AGAP1: variants seen among roughly 807,000 people sequenced by gnomAD.
The protein encoded by AGAP1 is arf-GAP with GTPase, ANK repeat and PH domain-containing protein 1.
AGAP1 carries 29 observed loss-of-function variants against 105.3 expected under a neutral mutation model. The ratio of observed to expected loss-of-function variants is 0.28; its 90% CI spans 0.21 to 0.38. AGAP1 has a LOEUF of 0.38. Ranked by LOEUF, AGAP1 falls within the 10% of genes least tolerant of loss-of-function variation. AGAP1 has a pLI of 1.00. For synonymous variants in AGAP1, 509 were observed against 485.9 expected (o/e 1.05, Z -0.63); for missense variants, 998 against 1,165.1 (o/e 0.86, Z 2.09).
At position 236,080,344 on chromosome 2, in the gene AGAP1, TGA is replaced by T. The variant is rs1576254954; in HGVS notation, c.2114+31065_2114+31066del. On this transcript the variant is annotated intron_variant, in intron 16 of 17. Coordinates refer to ENST00000304032, the MANE Select transcript of AGAP1 (RefSeq NM_001037131.3). The surrounding 1 kb of genome is among the most constrained non-coding windows in gnomAD (Gnocchi z 4.2). ...CACCAAGTCTCTGGTCTAGATTCTG[TGA>T]GTCCAGAAACCTCCATCTCAGTCTA... 6.6e-6 allele frequency among the ~76,000 whole-genome samples: 1 copy of T among 152,220 alleles called. No individual in the cohort carries two copies. Among genetic ancestry groups the T allele is most frequent in the East Asian group, 1.9e-4 (1 of 5,198 alleles).
chr2:236,116,051 C>G (rs2059762946), intron 16 of AGAP1, among the ~76,000 whole-genome samples: 1 of 152,114 alleles, frequency 6.6e-6, no homozygotes, highest in Non-Finnish European at 1.5e-5. Flanking sequence ...GTGGCCCGCC[C>G]AGCCTCGGCC....
chr2:235,830,577 T>G lies in AGAP1; in HGVS notation c.1050+23246T>G, dbSNP rs781674946. ...GAAGTGTTGCATGCTGAGCACTCTTTGTGAGATACTTTGGGGGCTCAGGGG... is the reference window on the plus strand; with the variant it reads ...GAAGTGTTGCATGCTGAGCACTCTTGGTGAGATACTTTGGGGGCTCAGGGG... On this transcript the variant is annotated intron_variant, in intron 9 of 17. Coordinates refer to ENST00000304032, the MANE Select transcript of AGAP1 (RefSeq NM_001037131.3). The surrounding 1 kb of genome is among the most constrained non-coding windows in gnomAD (Gnocchi z 5.5). Among the ~76,000 whole-genome samples the G allele has an allele frequency of 2.7e-5, 4 of 149,796 alleles. No individual in the cohort carries two copies. Among genetic ancestry groups the G allele is most frequent in the Non-Finnish European group, 5.9e-5 (4 of 67,736 alleles).
At chr2:235,670,718 A>C in intron 1 of AGAP1, 1 of 804,370 alleles carries the variant, frequency 1.2e-6, no homozygotes, top group Admixed American at 2.1e-5. Context: ...CGCCTCGGAG[A>C]AGCGCAACAC....
chr2:235,947,991 GGGCTAGGCC>G (rs574503871), intron 12 of AGAP1, among the ~76,000 whole-genome samples: 3 of 152,234 alleles, frequency 2.0e-5, no homozygotes, highest in African/African-American at 4.8e-5. Context: ...CCTGAGCGTT[GGGCTAGGCC>G]GGCTAGGCCA....
chr2:235,860,072 C>CA (rs772884503), intron 9 of AGAP1, among the ~76,000 whole-genome samples: 6 of 152,212 alleles, frequency 3.9e-5, no homozygotes, highest in Non-Finnish European at 7.3e-5. Flanking sequence ...ACCTTCATCT[C>CA]AGTTTGTTTT....
intron 12 of AGAP1, among the ~76,000 whole-genome samples, chr2:235,932,043 C>T (rs753319399): frequency 2.6e-5 from 4 of 152,222 alleles, no homozygotes; most frequent in African/African-American, 9.6e-5. Flanking sequence ...CTCTCTAAGG[C>T]TCTCTGCCTC....
At position 235,618,328 on chromosome 2, in the gene AGAP1, G is replaced by A. The variant is rs1055324770; in HGVS notation, c.164-90851G>A. ...GTAGGTGATTTTTCGGGAGCAGTTG[G>A]TTTTCCTTGGCCTTCATCCTACTCT... is the stretch of plus-strand genomic sequence containing the variant. On this transcript the variant is annotated intron_variant, in intron 1 of 17. Transcript: ENST00000304032. Among the ~76,000 whole-genome samples the A allele has an allele frequency of 5.3e-5, 8 of 152,102 alleles. No homozygotes were observed. The East Asian group carries it at 1.5e-3, about 29-fold the overall frequency.
intron 16 of AGAP1, among the ~76,000 whole-genome samples, chr2:236,094,647 A>C (rs1404326007): frequency 6.6e-6 from 1 of 152,104 alleles, no homozygotes; most frequent in Non-Finnish European, 1.5e-5. Flanking sequence ...CACTGCGCCC[A>C]GTGAGAGCTG....
chr2:235,714,107 G>A lies in AGAP1; in HGVS notation c.223-3450G>A, dbSNP rs1950979499. Reference sequence around the variant, plus strand: ...CAGCTCACTGCAACCTCTGCCTCCCGGGTTCAAGTGATTCTCCTGCCTCAG... The same window carrying A: ...CAGCTCACTGCAACCTCTGCCTCCCAGGTTCAAGTGATTCTCCTGCCTCAG... On this transcript the variant is annotated intron_variant, in intron 2 of 17. Coordinates refer to ENST00000304032, the MANE Select transcript of AGAP1 (RefSeq NM_001037131.3). The surrounding 1 kb of genome is among the most constrained non-coding windows in gnomAD (Gnocchi z 4.1). Among the ~76,000 whole-genome samples, 2 of 152,030 alleles carry A rather than the reference G, an allele frequency of 1.3e-5. No homozygotes were observed. Among genetic ancestry groups the A allele is most frequent in the South Asian group, 4.1e-4 (2 of 4,822 alleles).
rs1473395517 is a variant in AGAP1, at chr2:235,877,866, G to T, written c.1051-5479G>T. 6.6e-6 allele frequency among the ~76,000 whole-genome samples: 1 copy of T among 152,182 alleles called. No homozygotes were observed. Among genetic ancestry groups the T allele is most frequent in the Non-Finnish European group, 1.5e-5 (1 of 68,030 alleles). On this transcript the variant is annotated intron_variant, in intron 9 of 17. Transcript: ENST00000304032. This position sits in a 1 kb window ranked among gnomAD's most constrained non-coding sequence, Gnocchi z 4.3. Reference sequence around the variant, plus strand: ...TGGGCCACACTTTGAGCTGGAAAGTGCTTCCGTCTTTTGCCAACTTAAAAT... The same window carrying T: ...TGGGCCACACTTTGAGCTGGAAAGTTCTTCCGTCTTTTGCCAACTTAAAAT...
intron 1 of AGAP1, among the ~76,000 whole-genome samples, chr2:235,699,486 C>T (rs764475478): frequency 3.9e-5 from 6 of 152,092 alleles, no homozygotes; most frequent in Non-Finnish European, 7.3e-5. Flanking sequence ...CCTTTGAATT[C>T]TCACGGGTTA....
In AGAP1 at chr2:235,761,725, C is replaced by T. The variant is rs763746785; in HGVS notation, c.673+11237C>T. Among the ~76,000 whole-genome samples, 48 of 152,320 alleles carry T rather than the reference C, an allele frequency of 3.2e-4. 1 individual carries two copies. The highest frequency in any genetic ancestry group is 6.8e-3 in the Middle Eastern group (2 of 294). ...TGATCAAAAGAATAAGAGAATATTACTTAACTAGGATAGTCAGAAGTTGTT... is the reference window on the plus strand; with the variant it reads ...TGATCAAAAGAATAAGAGAATATTATTTAACTAGGATAGTCAGAAGTTGTT... On this transcript the variant is annotated intron_variant, in intron 6 of 17. Transcript: ENST00000304032.
At position 236,113,916 on chromosome 2, in the gene AGAP1, A is replaced by G. The variant is rs2059710444; in HGVS notation, c.2115-6276A>G. Among the ~76,000 whole-genome samples the G allele has an allele frequency of 6.6e-6, 1 of 152,142 alleles. No individual in the cohort carries two copies. ...TTTAGGCAGGAAGAGAAGCAAATAT[A>G]AAATACGATGGCGCCTGAAATGTAC... On this transcript the variant is annotated intron_variant, in intron 16 of 17. Transcript: ENST00000304032. This position sits in a 1 kb window ranked among gnomAD's most constrained non-coding sequence, Gnocchi z 4.3.
At position 235,663,270 on chromosome 2, in the gene AGAP1, T is replaced by C. The variant is rs896912663; in HGVS notation, c.164-45909T>C. On this transcript the variant is annotated intron_variant, in intron 1 of 17. Transcript: ENST00000304032. The surrounding 1 kb of genome is among the most constrained non-coding windows in gnomAD (Gnocchi z 5.4). ...GTTGCAGTGAGCCAAGATTGCACCA[T>C]TGCACTCCAGCCTGGGCAACAAGAA... Among the ~76,000 whole-genome samples the C allele has an allele frequency of 7.9e-5, 12 of 152,082 alleles. No individual in the cohort carries two copies. Among genetic ancestry groups the C allele is most frequent in the East Asian group, 1.9e-4 (1 of 5,162 alleles).
At chr2:235,668,017 A>AT in intron 1 of AGAP1, among the ~76,000 whole-genome samples, 1 of 149,416 alleles carries the variant, frequency 6.7e-6, no homozygotes, top group Non-Finnish European at 1.5e-5. Context: ...AGGTAAAATG[A>AT]TTCTGTCTTG....
chr2:235,530,319 G>A (rs528904322), intron 1 of AGAP1, among the ~76,000 whole-genome samples: 3 of 152,226 alleles, frequency 2.0e-5, no homozygotes, highest in Admixed American at 6.5e-5. Context: ...CTGTGCTTCC[G>A]CTTTAGATAG....
chr2:235,687,706 C>T (rs771497096), intron 1 of AGAP1, among the ~76,000 whole-genome samples: 2 of 152,158 alleles, frequency 1.3e-5, no homozygotes, highest in Non-Finnish European at 2.9e-5. Context: ...TCGTTCAGAT[C>T]AGACTTATCT....
chr2:235,989,927 T>A lies in AGAP1; in HGVS notation c.1645+21304T>A, dbSNP rs1357137813. Among the ~76,000 whole-genome samples the A allele has an allele frequency of 6.6e-6, 1 of 152,074 alleles. No individual in the cohort carries two copies. The highest frequency in any genetic ancestry group is 1.5e-5 in the Non-Finnish European group (1 of 68,022). On this transcript the variant is annotated intron_variant, in intron 13 of 17. Coordinates refer to ENST00000304032, the MANE Select transcript of AGAP1 (RefSeq NM_001037131.3). This position sits in a 1 kb window ranked among gnomAD's most constrained non-coding sequence, Gnocchi z 4.4. The stretch of plus-strand genomic sequence containing the variant: ...TGGCCAGTCAGCAATCTGGACAGTT[T>A]AGATCATTCAAATGCGTAGCCGGGG...
Position 235,908,840 on chromosome 2 carries a change from A to G in AGAP1, c.1258A>G (p.Ile420Val). 1 of 1,614,098 alleles carries G rather than the reference A, an allele frequency of 6.2e-7. No homozygotes were observed. Among genetic ancestry groups the G allele is most frequent in the Non-Finnish European group, 8.5e-7 (1 of 1,180,014 alleles). Residue 420 changes from isoleucine (I) to valine (V), a missense_variant, in exon 11 of 18, where the codon ATC (isoleucine) becomes GTC (valine). Around this residue, in one of 3 missense-constraint regions of AGAP1, gnomAD observed 735 missense variants for 833.4 expected, o/e 0.88. Coordinates refer to ENST00000304032, the MANE Select transcript of AGAP1 (RefSeq NM_001037131.3). This position sits in a 1 kb window ranked among gnomAD's most constrained non-coding sequence, Gnocchi z 4.4. ...CCGAGCCACGTCAGCCTGCGCACCC[A>G]TCTCCAGCCCTAAAACCAATGGCCT... Reference protein sequence around the residue: ...PPRATSACAPISSPKTNGLSK... With the variant: ...PPRATSACAPVSSPKTNGLSK...
Sources: allele counts gnomAD v4.1 joint callset (sites outside exome capture counted in the v4.1 genomes callset), GRCh38; gene constraint gnomAD v4.1.1; regional missense constraint gnomAD v4.1.1; non-coding constraint Gnocchi (gnomAD v3.1); transcripts MANE v1.5; gene names NCBI Gene and HGNC (gene_info 2026-07-23, HGNC 2026-07-21).